FUT8: variants seen among roughly 807,000 people sequenced by gnomAD.
The protein encoded by FUT8 is fucosyltransferase 8.
In FUT8, 29 loss-of-function variants were observed where a neutral mutation model predicts 71.3. The ratio of observed to expected loss-of-function variants is 0.41; its 90% CI spans 0.30 to 0.55. The LOEUF (loss-of-function observed/expected upper bound fraction) is 0.55, where lower values mean the gene tolerates loss of function less well. FUT8 is among the 20% of genes least tolerant of loss of function. The pLI is 0.34. For synonymous variants in FUT8, 254 were observed against 239.3 expected (o/e 1.06, Z -0.57); for missense variants, 544 against 702.1 (o/e 0.77, Z 2.55).
At chr14:65,367,689 A>T in the FUT8 span, among the ~76,000 whole-genome samples, 1 of 152,190 alleles carries the variant, frequency 6.6e-6, no homozygotes, top group Non-Finnish European at 1.5e-5. Flanking sequence ...CAAATCTCTA[A>T]AAGAACACTA....
chr14:65,669,160 A>G lies in FUT8; in HGVS notation c.598-83A>G. The G allele has an allele frequency of 4.0e-6, 4 of 1,012,478 alleles. No individual in the cohort carries two copies. The highest frequency in any genetic ancestry group is 3.3e-4 in the Middle Eastern group (1 of 3,040). 62.7% of individuals were successfully genotyped at this position (1,012,478 alleles called of 1,614,324 possible). ...AACAAACCTGCATGTGTACCCCTGA[A>G]GATGAAAGATTAAAAAAAAAAAAGA... On this transcript the variant is annotated intron_variant, in intron 6 of 10. Coordinates refer to ENST00000673929, the MANE Select transcript of FUT8 (RefSeq NM_001371533.1). This position sits in a 1 kb window ranked among gnomAD's most constrained non-coding sequence, Gnocchi z 4.5.
intron 7 of FUT8, among the ~76,000 whole-genome samples, chr14:65,687,131 T>A (rs1249471007): frequency 6.6e-6 from 1 of 152,192 alleles, no homozygotes; most frequent in East Asian, 1.9e-4. Context: ...TTCCCATCCT[T>A]AATAATTTTA....
At chr14:65,462,422 A>G (rs1280756466) in intron 2 of FUT8, among the ~76,000 whole-genome samples, 1 of 152,198 alleles carries the variant, frequency 6.6e-6, no homozygotes, top group East Asian at 1.9e-4. Context: ...CATAAAATGA[A>G]ATAACCTTTC....
chr14:65,488,895 C>G (rs2066445793), intron 2 of FUT8, among the ~76,000 whole-genome samples: 1 of 152,038 alleles, frequency 6.6e-6, no homozygotes, highest in Admixed American at 6.5e-5. Context: ...TAATCAAGTT[C>G]ACCATCGACC....
At chr14:65,494,570 A>G (rs1173930885) in intron 2 of FUT8, among the ~76,000 whole-genome samples, 2 of 152,152 alleles carry the variant, frequency 1.3e-5, no homozygotes, top group African/African-American at 4.8e-5. Flanking sequence ...GAATCTACTC[A>G]GGAGGGGCAA....
At chr14:65,360,542 G>A in the FUT8 span, among the ~76,000 whole-genome samples, 1 of 152,220 alleles carries the variant, frequency 6.6e-6, no homozygotes, top group African/African-American at 2.4e-5. Context: ...ATGTACACAT[G>A]TGATTTATAT....
At chr14:65,432,895 C>T (rs778205548) in intron 1 of FUT8, among the ~76,000 whole-genome samples, 2 of 152,122 alleles carry the variant, frequency 1.3e-5, no homozygotes, top group Non-Finnish European at 2.9e-5. Context: ...CAACAGCCCC[C>T]GAGACTGCTC....
At chr14:65,359,386 G>T in the FUT8 span, among the ~76,000 whole-genome samples, 1 of 152,156 alleles carries the variant, frequency 6.6e-6, no homozygotes, top group Non-Finnish European at 1.5e-5. Context: ...GTACTATACA[G>T]TTCAGTGGCG....
chr14:65,421,747 C>CCT (rs57713947), intron 1 of FUT8, among the ~76,000 whole-genome samples: 2,323 of 79,190 alleles, frequency 0.029, 361 homozygotes, highest in African/African-American at 0.076. Context: ...CCACCCCCCC[C>CCT]TTTTTTTTTT....
Position 65,530,291 on chromosome 14 carries a change from A to C in FUT8, c.-227-31046A>C, listed in dbSNP as rs192515235. Among the ~76,000 whole-genome samples, 3 of 152,210 alleles carry C rather than the reference A, an allele frequency of 2.0e-5. No homozygotes were observed. In the East Asian group the frequency reaches 5.8e-4, roughly 29 times the overall value. On this transcript the variant is annotated intron_variant, in intron 2 of 10. Coordinates refer to ENST00000673929, the MANE Select transcript of FUT8 (RefSeq NM_001371533.1). ...GAAATCTCAGGCAATTATAGGGCTC[A>C]CCTTTTTGTTTGTTTGTTTCCCTTA...
At chr14:65,637,296 G>A (rs1006113355) in intron 6 of FUT8, among the ~76,000 whole-genome samples, 5 of 152,096 alleles carry the variant, frequency 3.3e-5, no homozygotes, top group South Asian at 2.1e-4. Context: ...TTTATGTTGC[G>A]ATTTCTGATG....
chr14:65,361,471 T>C, the FUT8 span, among the ~76,000 whole-genome samples: 30 of 147,858 alleles, frequency 2.0e-4, no homozygotes, highest in Admixed American at 1.9e-3. Context: ...TACTGACTCA[T>C]AGAAACTCAG....
chr14:65,491,564 A>G (rs1253928487), intron 2 of FUT8, among the ~76,000 whole-genome samples: 1 of 152,182 alleles, frequency 6.6e-6, no homozygotes, highest in Non-Finnish European at 1.5e-5. Flanking sequence ...ACTGAAAAGA[A>G]TAATAAAACA....
chr14:65,639,287 C>G (rs1487186917), intron 6 of FUT8, among the ~76,000 whole-genome samples: 1 of 152,116 alleles, frequency 6.6e-6, no homozygotes, highest in Non-Finnish European at 1.5e-5. Flanking sequence ...TTAAAAACAA[C>G]TTTATCTTGA....
intron 2 of FUT8, among the ~76,000 whole-genome samples, chr14:65,456,455 C>T (rs1158026116): frequency 6.6e-6 from 1 of 151,918 alleles, no homozygotes; most frequent in Non-Finnish European, 1.5e-5. Context: ...GAGTAGTGTT[C>T]CATTTTATGG....
At position 65,691,114 on chromosome 14, in the gene FUT8, T is replaced by G. The variant is rs560912327; in HGVS notation, c.835+21634T>G. On this transcript the variant is annotated intron_variant, in intron 7 of 10. Transcript: ENST00000673929. The stretch of plus-strand genomic sequence containing the variant: ...AGCAGGGGTTTTTTGCTGGTTTTTT[T>G]GGGGGGTGGAGGGGCAGGGGCAAGT... 8.9e-4 allele frequency among the ~76,000 whole-genome samples: 134 copies of G among 151,230 alleles called. 7 individuals carry two copies. Among genetic ancestry groups the G allele is most frequent in the African/African-American group, 2.7e-3 (110 of 40,574 alleles).
At chr14:65,474,493 A>C (rs962466143) in intron 2 of FUT8, among the ~76,000 whole-genome samples, 3 of 142,192 alleles carry the variant, frequency 2.1e-5, no homozygotes, top group Non-Finnish European at 4.5e-5. Flanking sequence ...AATCCCAGCT[A>C]CTCATGGGGC....
At chr14:65,558,701 G>T (rs1358697349) in intron 2 of FUT8, among the ~76,000 whole-genome samples, 1 of 152,072 alleles carries the variant, frequency 6.6e-6, no homozygotes, top group Admixed American at 6.6e-5. Context: ...TAGTAGATAG[G>T]GAAAAAATTC....
chr14:65,671,726 A>G (rs1345031619), intron 7 of FUT8, among the ~76,000 whole-genome samples: 3 of 152,222 alleles, frequency 2.0e-5, no homozygotes, highest in East Asian at 1.9e-4. Flanking sequence ...TTTTAAGCTT[A>G]GAATATTTTT....
Sources: gnomAD v4.1 joint callset for allele counts (sites outside exome capture counted in the v4.1 genomes callset) on GRCh38, gnomAD v4.1.1 for gene constraint, Gnocchi (gnomAD v3.1) non-coding constraint, MANE v1.5 for transcripts, NCBI Gene and HGNC (gene_info 2026-07-23, HGNC 2026-07-21) for gene names.